CCDC175: variants seen among roughly 807,000 people sequenced by gnomAD.
CCDC175 encodes coiled-coil domain-containing protein 175.
A neutral mutation model predicts 114.6 loss-of-function variants in CCDC175; 100 were observed. That is an observed-to-expected ratio of 0.87 (90% CI 0.74 to 1.03). The LOEUF is 1.03. Among genes scored for constraint, CCDC175 ranks in the 50% least tolerant of loss-of-function variants. The pLI is 0.00. For synonymous variants in CCDC175, 306 were observed against 308.7 expected, an observed-to-expected ratio of 0.99 and a Z score of 0.09; for missense variants, 880 against 917.8, an observed-to-expected ratio of 0.96 and a Z score of 0.53.
chr14:59,528,614 C>T (rs932562363), intron 14 of CCDC175, among the ~76,000 whole-genome samples: 9 of 152,130 alleles, frequency 5.9e-5, no homozygotes, highest in Admixed American at 2.6e-4. Flanking sequence ...TTATAGTTTT[C>T]GTTTAAATAA....
At chr14:59,531,071 T>C (rs1473452058) in intron 14 of CCDC175, among the ~76,000 whole-genome samples, 1 of 152,018 alleles carries the variant, frequency 6.6e-6, no homozygotes, top group African/African-American at 2.4e-5. Flanking sequence ...GCCCAGGAGT[T>C]TGAGATTAGC....
At chr14:59,513,343 G>A (rs539582324) in intron 17 of CCDC175, among the ~76,000 whole-genome samples, 11 of 152,054 alleles carry the variant, frequency 7.2e-5, no homozygotes, top group South Asian at 2.1e-4. Context: ...GCAGTGCACC[G>A]AGTGTGAGCC....
chr14:59,517,116 A>G (rs1390240846), intron 17 of CCDC175, among the ~76,000 whole-genome samples: 2 of 152,228 alleles, frequency 1.3e-5, no homozygotes, highest in East Asian at 1.9e-4. Context: ...ACAAAATTCA[A>G]CAGCCCTTCA....
chr14:59,540,999 G>A (rs370184065), intron 10 of CCDC175, among the ~76,000 whole-genome samples: 1 of 152,200 alleles, frequency 6.6e-6, no homozygotes, highest in Non-Finnish European at 1.5e-5. Flanking sequence ...GGCAACTGAT[G>A]AAGGGTTACT....
chr14:59,528,596 CTATAAAGT>C (rs1426377460), intron 14 of CCDC175, among the ~76,000 whole-genome samples: 1 of 152,074 alleles, frequency 6.6e-6, no homozygotes, highest in Non-Finnish European at 1.5e-5. Flanking sequence ...CCTAACCTTC[CTATAAAGT>C]TATAGTTTTC....
intron 19 of CCDC175, among the ~76,000 whole-genome samples, chr14:59,505,586 C>T (rs1892309229): frequency 1.3e-5 from 2 of 152,264 alleles, no homozygotes; most frequent in South Asian, 4.1e-4. Context: ...TACAAGGCCT[C>T]ACGGGCAAAT....
chr14:59,513,086 C>CA (rs1892844754), intron 17 of CCDC175, among the ~76,000 whole-genome samples: 1 of 152,094 alleles, frequency 6.6e-6, no homozygotes. Context: ...AAAGCATAGT[C>CA]TTTTCAAAAA....
chr14:59,533,804 T>G (rs1040888781), intron 13 of CCDC175, among the ~76,000 whole-genome samples: 12 of 151,760 alleles, frequency 7.9e-5, no homozygotes, highest in South Asian at 2.1e-4. Context: ...CTGGCTAACA[T>G]GGTGAAACCC....
Position 59,576,666 on chromosome 14 carries a change from A to C in CCDC175, c.110T>G (p.Leu37Arg). ...CGCCTCGACCGCGACCGAGGAGCCC[A>C]GGGTGGAGGGTAAGGTGCATAACTC... Reference protein sequence around the residue: ...SLELCTLPSTLGSSVAVEALE... With the variant: ...SLELCTLPSTRGSSVAVEALE... Residue 37 changes from leucine to arginine, a missense_variant, in exon 1 of 20, where the codon CTG (leucine) becomes CGG (arginine). Physicochemically the swap from Leu to Arg is moderately radical, Grantham distance 102. Transcript: ENST00000537690. 6.7e-7 allele frequency: 1 copy of C among 1,482,284 alleles called. No individual in the cohort carries two copies. Among genetic ancestry groups the C allele is most frequent in the Non-Finnish European group, 8.9e-7 (1 of 1,124,310 alleles). 91.8% of individuals were successfully genotyped at this position (1,482,284 alleles called of 1,614,324 possible). A position where few individuals can be genotyped will look rare whatever the true frequency, so the allele number is the denominator to read the frequency against.
At chr14:59,522,849 T>C (rs192187838) in intron 16 of CCDC175, among the ~76,000 whole-genome samples, 277 of 152,344 alleles carry the variant, frequency 1.8e-3, no homozygotes, top group African/African-American at 6.2e-3. Flanking sequence ...ATTGTAATGA[T>C]CTGTTTCTAT....
intron 6 of CCDC175, 100 bp from the exon 7 acceptor site, chr14:59,561,328 T>C (rs1204387832): frequency 1.7e-6 from 1 of 581,344 alleles, no homozygotes; most frequent in Non-Finnish European, 3.0e-6. Context: ...TCATTCAACT[T>C]TTACATTAGG....
At chr14:59,521,083 C>A (rs1002400322) in intron 17 of CCDC175, among the ~76,000 whole-genome samples, 4 of 152,078 alleles carry the variant, frequency 2.6e-5, no homozygotes, top group Admixed American at 2.6e-4. Flanking sequence ...AAGTACTGTT[C>A]CTGGGTATGT....
At chr14:59,508,723 T>A (rs941416104) in intron 19 of CCDC175, among the ~76,000 whole-genome samples, 3 of 152,032 alleles carry the variant, frequency 2.0e-5, no homozygotes, top group Non-Finnish European at 2.9e-5. Context: ...CGTGCCCTTA[T>A]CAAAGAGGCC....
At chr14:59,540,652 T>A in intron 11 of CCDC175, 23 bp downstream of exon 11, 1 of 1,330,414 alleles carries the variant, frequency 7.5e-7, no homozygotes, top group Non-Finnish European at 9.9e-7. Context: ...AATAAACTTT[T>A]TTTTTTTTTT....
In CCDC175 at chr14:59,563,834, TCA is replaced by T; in HGVS notation, c.744_745del (p.Glu249SerfsTer15). 1 of 1,441,676 alleles carries T rather than the reference TCA, an allele frequency of 6.9e-7. No homozygotes were observed. Among genetic ancestry groups the T allele is most frequent in the East Asian group, 2.7e-5 (1 of 37,060 alleles). 89.3% of individuals were successfully genotyped at this position (1,441,676 alleles called of 1,614,324 possible). A position where few individuals can be genotyped will look rare whatever the true frequency, so the allele number is the denominator to read the frequency against. ...TTGATAAGTCTCCATTCTCTTTACT[TCA>T]CGGGTATTTTCAAATTCATTAATCT... On this transcript the variant is annotated frameshift_variant, in exon 6 of 20. Transcript: ENST00000537690. LOFTEE classifies it high-confidence loss of function.
chr14:59,576,095 C>T (rs1897105636), intron 1 of CCDC175, among the ~76,000 whole-genome samples: 1 of 152,122 alleles, frequency 6.6e-6, no homozygotes, highest in Non-Finnish European at 1.5e-5. Flanking sequence ...CTGAAAAATA[C>T]TTTAACCTGG....
intron 17 of CCDC175, among the ~76,000 whole-genome samples, chr14:59,512,700 A>G (rs1190645351): frequency 6.6e-6 from 1 of 152,218 alleles, no homozygotes; most frequent in Non-Finnish European, 1.5e-5. Context: ...ATAAATGGAG[A>G]TAAATACTAT....
chr14:59,534,001 AAAAAAG>A (rs1275583436), intron 13 of CCDC175, among the ~76,000 whole-genome samples: 8 of 151,840 alleles, frequency 5.3e-5, no homozygotes, highest in African/African-American at 1.7e-4. Flanking sequence ...AAAAAAAAAA[AAAAAAG>A]AAACGCAATC....
intron 15 of CCDC175, 43 bp downstream of exon 15, chr14:59,527,052 T>G: frequency 9.2e-7 from 1 of 1,084,796 alleles, no homozygotes; most frequent in Non-Finnish European, 1.3e-6. Flanking sequence ...ATACCACTAT[T>G]CTAATAATAA....
Sources: allele counts gnomAD v4.1 joint callset (sites outside exome capture counted in the v4.1 genomes callset), GRCh38; gene constraint gnomAD v4.1.1; transcripts MANE v1.5; gene names NCBI Gene and HGNC (gene_info 2026-07-23, HGNC 2026-07-21).